QSOX1: variants seen among roughly 807,000 people sequenced by gnomAD.
QSOX1 encodes the protein quiescin sulfhydryl oxidase 1.
QSOX1 carries 40 observed loss-of-function variants against 76.1 expected under a neutral mutation model. The observed-to-expected ratio is 0.53, with a 90% CI of 0.41 to 0.68. QSOX1 has a LOEUF of 0.68. Among genes scored for constraint, QSOX1 ranks in the 30% least tolerant of loss-of-function variants. The pLI is 0.00. For synonymous variants in QSOX1, 392 were observed against 413.1 expected, an observed-to-expected ratio of 0.95 and a Z score of 0.62; for missense variants, 931 against 974.3, an observed-to-expected ratio of 0.96 and a Z score of 0.59.
chr1:180,197,083 C>G lies in QSOX1; in HGVS notation c.*46C>G. On this transcript the variant is annotated 3_prime_UTR_variant, in exon 12 of 12. Transcript: ENST00000367602. Reference sequence around the variant, plus strand: ...GAGAGGGAGCTGCCATCTCTAGGCACCTCAAGCCCCCTGACCCCATTCCCT... The same window carrying G: ...GAGAGGGAGCTGCCATCTCTAGGCAGCTCAAGCCCCCTGACCCCATTCCCT... 1.3e-6 allele frequency: 2 copies of G among 1,553,508 alleles called. No homozygotes were observed. Among genetic ancestry groups the G allele is most frequent in the Non-Finnish European group, 1.7e-6 (2 of 1,149,748 alleles).
intron 8 of QSOX1, among the ~76,000 whole-genome samples, chr1:180,186,945 CT>C (rs1663190301): frequency 6.6e-6 from 1 of 152,222 alleles, no homozygotes; most frequent in Non-Finnish European, 1.5e-5. Context: ...CATTGCGTCC[CT>C]GCTGGAAACC....
At chr1:180,172,489 G>A (rs747335453) in intron 2 of QSOX1, among the ~76,000 whole-genome samples, 24 of 152,080 alleles carry the variant, frequency 1.6e-4, no homozygotes, top group African/African-American at 9.7e-5. Context: ...AGCTGCTTGT[G>A]GCTGCAGGGA....
In QSOX1 at chr1:180,182,190, C is replaced by T. The variant is rs369642360; in HGVS notation, c.623C>T (p.Ser208Phe). 4 of 1,614,032 alleles carry T rather than the reference C, an allele frequency of 2.5e-6. No individual in the cohort carries two copies. The highest frequency in any genetic ancestry group is 1.3e-5 in the African/African-American group (1 of 74,926). ...YLGREVALDL[S>F]QHKGVAVRRV... ...TCCCTGCAGGTGGCTCTGGACCTGT[C>T]CCAGCACAAAGGCGTGGCGGTGCGC... Residue 208 changes from serine to phenylalanine, a missense_variant, in exon 6 of 12, where the codon TCC becomes TTC. Transcript: ENST00000367602.
Position 180,189,538 on chromosome 1 carries a change from G to C in QSOX1, c.1018-14G>C, listed in dbSNP as rs749308471. 4.4e-6 allele frequency: 7 copies of C among 1,596,120 alleles called. No individual in the cohort carries two copies. Among genetic ancestry groups the C allele is most frequent in the Admixed American group, 1.7e-5 (1 of 58,540 alleles). ...GCTTTTCACTCTCCAGCTTCCGCTT[G>C]TTCCTCCCCACAGTATTTCCCTGGC... On this transcript the variant is annotated splice_polypyrimidine_tract_variant and intron_variant, in intron 8 of 11. Transcript: ENST00000367602.
At chr1:180,174,032 C>T (rs1378408164) in intron 2 of QSOX1, among the ~76,000 whole-genome samples, 5 of 152,214 alleles carry the variant, frequency 3.3e-5, no homozygotes, top group African/African-American at 1.2e-4. Context: ...GGGATAAGGC[C>T]AAACAGCTCT....
In QSOX1 at chr1:180,196,876, G is replaced by A; in HGVS notation, c.2083G>A (p.Gly695Ser). 1 of 1,596,606 alleles carries A rather than the reference G, an allele frequency of 6.3e-7. No individual in the cohort carries two copies. Among genetic ancestry groups the A allele is most frequent in the South Asian group, 1.1e-5 (1 of 89,028 alleles). Residue 695 changes from glycine (G) to serine (S), a missense_variant, in exon 12 of 12, where the codon GGC becomes AGC. By Grantham distance (56) the Gly-to-Ser change is moderately conservative. Transcript: ENST00000367602. This position sits in a 1 kb window ranked among gnomAD's most constrained non-coding sequence, Gnocchi z 4.1. ...QLEARAGRGR[G>S]QWLQVLGGGF... The stretch of plus-strand genomic sequence containing the variant: ...GGAGGCCCGAGCTGGACGGGGCCGA[G>A]GCCAGTGGCTGCAGGTGCTGGGAGG...
At chr1:180,162,301 G>A (rs1662509528) in intron 1 of QSOX1, among the ~76,000 whole-genome samples, 2 of 152,202 alleles carry the variant, frequency 1.3e-5, no homozygotes, top group Admixed American at 6.5e-5. Flanking sequence ...AGCCTAACTA[G>A]TTTAGTATCT....
At chr1:180,160,210 A>G (rs1405622433) in intron 1 of QSOX1, among the ~76,000 whole-genome samples, 1 of 152,254 alleles carries the variant, frequency 6.6e-6, no homozygotes, top group East Asian at 1.9e-4. Flanking sequence ...GAGATCAAAG[A>G]ATGAGCCAGA....
rs1160833411 is a variant in QSOX1, at chr1:180,196,331, A to G, written c.1538A>G (p.His513Arg). The G allele has an allele frequency of 1.2e-6, 2 of 1,613,996 alleles. No individual in the cohort carries two copies. The highest frequency in any genetic ancestry group is 8.5e-7 in the Non-Finnish European group (1 of 1,180,014). ...WPPRELCSAC[H>R]NERLDVPVWD... ...CCCCGTGAACTTTGTTCTGCCTGCCACAATGAACGCCTGGATGTGCCCGTG... is the reference window on the plus strand; with the variant it reads ...CCCCGTGAACTTTGTTCTGCCTGCCGCAATGAACGCCTGGATGTGCCCGTG... The change falls in exon 12 of 12, where the codon CAC (histidine) becomes CGC (arginine). Residue 513 changes from histidine to arginine, a missense_variant. Transcript: ENST00000367602. The surrounding 1 kb of genome is among the most constrained non-coding windows in gnomAD (Gnocchi z 4.1).
rs377701409 is a variant in QSOX1 at position 180,196,574 on chromosome 1, C to A, written c.1781C>A (p.Pro594Gln). 4.3e-5 allele frequency: 70 copies of A among 1,614,188 alleles called. No homozygotes were observed. In the South Asian group the frequency reaches 5.5e-4, roughly 13 times the overall value. ...ATGAAGTCCCCCACAAACACCACCC[C>A]ACATGTGCCGGCTGAGGGACCTGAG... ...EMMKSPTNTT[P>Q]HVPAEGPEAS... The change falls in exon 12 of 12, where the codon CCA becomes CAA. Residue 594 changes from proline (P) to glutamine (Q), a missense_variant. Pro to Gln is a moderately conservative substitution (Grantham distance 76). Transcript: ENST00000367602. The surrounding 1 kb of genome is among the most constrained non-coding windows in gnomAD (Gnocchi z 4.1).
chr1:180,160,606 A>G (rs1662471484), intron 1 of QSOX1, among the ~76,000 whole-genome samples: 1 of 152,152 alleles, frequency 6.6e-6, no homozygotes, highest in African/African-American at 2.4e-5. Context: ...TGAAATTCTA[A>G]CTACAGCATT....
At position 180,201,342 on chromosome 1, in the gene QSOX1, TG is replaced by T. The variant is rs990558141; in HGVS notation, c.*4309del. ...CTCACTCACACCAGCCTGACAGTCT[TG>T]GGGCAGAGCGCCCCATAGGCCTCTG... is the stretch of plus-strand genomic sequence containing the variant. On this transcript the variant is annotated 3_prime_UTR_variant, in exon 12 of 12. Coordinates refer to ENST00000367602, the MANE Select transcript of QSOX1 (RefSeq NM_002826.5). 2 of 152,160 alleles carry T rather than the reference TG, an allele frequency of 1.3e-5. No individual in the cohort carries two copies. Among genetic ancestry groups the T allele is most frequent in the African/African-American group, 4.8e-5 (2 of 41,428 alleles). The allele number at this position is 152,160 out of a possible 1,614,324, so 9.4% of individuals were successfully genotyped here.
chr1:180,176,116 CG>C lies in QSOX1; in HGVS notation c.515+87del, dbSNP rs1003774671. On this transcript the variant is annotated intron_variant, in intron 4 of 11. Transcript: ENST00000367602. ...TGAGAGGGTGGTGGGAACAGCAGGG[CG>C]GGGACCCCAGTTTATTTTCCTTGCT... 18 of 1,131,106 alleles carry C rather than the reference CG, an allele frequency of 1.6e-5. No homozygotes were observed. In the African/African-American group the frequency reaches 2.3e-4, roughly 15 times the overall value. The allele number at this position is 1,131,106 out of a possible 1,614,324, so 70.1% of individuals were successfully genotyped here.
chr1:180,195,994 A>G (rs1038025468), intron 11 of QSOX1, among the ~76,000 whole-genome samples: 7 of 152,130 alleles, frequency 4.6e-5, no homozygotes, highest in Non-Finnish European at 1.0e-4. Context: ...AATGACTGAG[A>G]TGGCGCTCTT....
intron 9 of QSOX1, 142 bp downstream of exon 9, chr1:180,189,816 A>C: frequency 3.3e-6 from 3 of 902,628 alleles, no homozygotes; most frequent in Non-Finnish European, 4.9e-6. Context: ...AATAATCAAT[A>C]AATGACTATT....
intron 8 of QSOX1, 46 bp from the exon 9 acceptor site, chr1:180,189,506 G>T: frequency 6.5e-7 from 1 of 1,544,844 alleles, no homozygotes. Flanking sequence ...GGGGAACTTG[G>T]GGAATTGCTT....
At position 180,189,450 on chromosome 1, in the gene QSOX1, C is replaced by G. The variant is rs551246690; in HGVS notation, c.1018-102C>G. The G allele has an allele frequency of 5.5e-6, 3 of 543,758 alleles. No homozygotes were observed. In the Admixed American group the frequency reaches 1.1e-4, roughly 20 times the overall value. 33.7% of individuals were successfully genotyped at this position (543,758 alleles called of 1,614,324 possible). On this transcript the variant is annotated intron_variant, in intron 8 of 11. Transcript: ENST00000367602. ...ACCTCCTCCCCACTGCCCCCCGCCCCCCGCCCCCCGCCTTCTTCTGCATAG... is the reference window on the plus strand; with the variant it reads ...ACCTCCTCCCCACTGCCCCCCGCCCGCCGCCCCCCGCCTTCTTCTGCATAG...
chr1:180,161,987 A>G (rs1247063307), intron 1 of QSOX1, among the ~76,000 whole-genome samples: 1 of 152,250 alleles, frequency 6.6e-6, no homozygotes, highest in Non-Finnish European at 1.5e-5. Context: ...TTAGAAAAAC[A>G]TCAGAATAAA....
intron 2 of QSOX1, among the ~76,000 whole-genome samples, chr1:180,167,673 A>C (rs1662665311): frequency 6.6e-6 from 1 of 152,162 alleles, no homozygotes; most frequent in Admixed American, 6.5e-5. Flanking sequence ...AACTGTTACC[A>C]CATAGGGTCA....
Sources: allele counts gnomAD v4.1 joint callset (sites outside exome capture counted in the v4.1 genomes callset), GRCh38; gene constraint gnomAD v4.1.1; non-coding constraint Gnocchi (gnomAD v3.1); transcripts MANE v1.5; gene names NCBI Gene and HGNC (gene_info 2026-07-23, HGNC 2026-07-21).